Variants in SGCZ observed in about 807,000 individuals in gnomAD.
The protein encoded by SGCZ is zeta-sarcoglycan.
Under a neutral mutation model 41.3 loss-of-function variants are expected in SGCZ, and 40 were observed. The ratio of observed to expected loss-of-function variants is 0.97; its 90% CI spans 0.75 to 1.26. The LOEUF is 1.26. SGCZ is among the 50% of genes most tolerant of loss of function. The pLI is 0.00. For synonymous variants in SGCZ, 206 were observed against 137.5 expected (o/e 1.50, Z -3.49); for missense variants, 552 against 369.8 (o/e 1.49, Z -4.04).
At chr8:14,826,996 T>C (rs1041834690) in intron 1 of SGCZ, among the ~76,000 whole-genome samples, 1 of 152,116 alleles carries the variant, frequency 6.6e-6, no homozygotes, top group African/African-American at 2.4e-5. Flanking sequence ...GTTTTAGACA[T>C]GAAGTCCTTG....
intron 1 of SGCZ, among the ~76,000 whole-genome samples, chr8:14,854,772 G>C (rs1004194459): frequency 1.3e-5 from 2 of 151,980 alleles, no homozygotes; most frequent in African/African-American, 2.4e-5. Flanking sequence ...TTTTCATAGA[G>C]AGGAAAGGAG....
At chr8:14,197,738 T>C (rs771835503) in intron 4 of SGCZ, among the ~76,000 whole-genome samples, 1 of 152,082 alleles carries the variant, frequency 6.6e-6, no homozygotes, top group Non-Finnish European at 1.5e-5. Flanking sequence ...GCTTTTCCCC[T>C]AAGTTTCAGT....
At chr8:14,433,955 T>C (rs1035129107) in intron 2 of SGCZ, among the ~76,000 whole-genome samples, 3 of 152,192 alleles carry the variant, frequency 2.0e-5, no homozygotes, top group Non-Finnish European at 4.4e-5. Flanking sequence ...TATTTTACCA[T>C]GCAAAAGCTC....
intron 1 of SGCZ, among the ~76,000 whole-genome samples, chr8:15,044,065 A>G (rs978849775): frequency 6.6e-6 from 1 of 152,172 alleles, no homozygotes; most frequent in African/African-American, 2.4e-5. Context: ...CTTAATTGCT[A>G]TCCCTGTATT....
chr8:15,034,658 C>T (rs1239469732), intron 1 of SGCZ, among the ~76,000 whole-genome samples: 2 of 152,158 alleles, frequency 1.3e-5, no homozygotes, highest in Non-Finnish European at 2.9e-5. Context: ...CCAAAACATA[C>T]TATAACCAAA....
chr8:14,537,684 A>G (rs1231286407), intron 2 of SGCZ, among the ~76,000 whole-genome samples: 1 of 151,792 alleles, frequency 6.6e-6, no homozygotes, highest in Admixed American at 6.6e-5. Context: ...AAAAGAAAAC[A>G]TACTAATAAT....
intron 1 of SGCZ, chr8:14,853,433 A>C: frequency 1.9e-6 from 1 of 532,306 alleles, no homozygotes. Context: ...AGGCTAGGAC[A>C]CTTGCTCTTT....
chr8:14,543,916 G>A (rs1197419450), intron 2 of SGCZ, among the ~76,000 whole-genome samples: 8 of 152,070 alleles, frequency 5.3e-5, no homozygotes, highest in Non-Finnish European at 1.0e-4. Flanking sequence ...ATGAATTACT[G>A]TTAAATACTC....
intron 2 of SGCZ, among the ~76,000 whole-genome samples, chr8:14,377,671 C>T (rs779990652): frequency 1.5e-4 from 22 of 151,200 alleles, no homozygotes; most frequent in Non-Finnish European, 2.2e-4. Flanking sequence ...CAATACTATC[C>T]CTCCCCACTC....
intron 1 of SGCZ, among the ~76,000 whole-genome samples, chr8:14,661,989 T>A (rs1313058708): frequency 6.6e-6 from 1 of 152,172 alleles, no homozygotes; most frequent in Non-Finnish European, 1.5e-5. Context: ...CTGAAATCAC[T>A]AGACTTATAT....
At chr8:15,207,208 T>G (rs1801096740) in intron 1 of SGCZ, among the ~76,000 whole-genome samples, 1 of 152,132 alleles carries the variant, frequency 6.6e-6, no homozygotes, top group Non-Finnish European at 1.5e-5. Flanking sequence ...CAAGTTTGGG[T>G]TGACAGCAGG....
At chr8:15,203,029 G>C (rs964534609) in intron 1 of SGCZ, among the ~76,000 whole-genome samples, 3 of 152,038 alleles carry the variant, frequency 2.0e-5, no homozygotes, top group African/African-American at 7.2e-5. Context: ...AGAATCACTA[G>C]AACCTGGGAG....
intron 1 of SGCZ, among the ~76,000 whole-genome samples, chr8:15,102,200 T>C (rs1806641203): frequency 1.3e-5 from 2 of 152,174 alleles, no homozygotes; most frequent in South Asian, 4.1e-4. Context: ...GGTATATCCA[T>C]ACAATTAAAT....
intron 5 of SGCZ, among the ~76,000 whole-genome samples, chr8:14,141,213 A>G (rs1803358952): frequency 6.6e-6 from 1 of 152,200 alleles, no homozygotes. Context: ...TAAAACCATA[A>G]AAACCCTAGA....
chr8:14,651,674 C>A (rs1464879175), intron 1 of SGCZ, among the ~76,000 whole-genome samples: 2 of 151,932 alleles, frequency 1.3e-5, no homozygotes, highest in African/African-American at 2.4e-5. Flanking sequence ...TATTAATTTT[C>A]TTATTCTCTT....
At chr8:14,482,502 T>G (rs1801561794) in intron 2 of SGCZ, among the ~76,000 whole-genome samples, 1 of 152,188 alleles carries the variant, frequency 6.6e-6, no homozygotes, top group Admixed American at 6.5e-5. Flanking sequence ...TTCTTATCTG[T>G]TAACAAGTAT....
intron 1 of SGCZ, among the ~76,000 whole-genome samples, chr8:14,732,559 AG>A (rs200275420): frequency 0.013 from 2,045 of 152,326 alleles, 30 homozygotes; most frequent in Admixed American, 0.037. Context: ...CTGAATGCTA[AG>A]CCCCTCACAC....
intron 2 of SGCZ, among the ~76,000 whole-genome samples, chr8:14,367,027 T>C (rs932116638): frequency 6.6e-6 from 1 of 152,134 alleles, no homozygotes; most frequent in African/African-American, 2.4e-5. Context: ...TTCTACTGCA[T>C]TGTCAGGCTG....
At chr8:15,010,918 C>A (rs1802804214) in intron 1 of SGCZ, among the ~76,000 whole-genome samples, 1 of 152,136 alleles carries the variant, frequency 6.6e-6, no homozygotes, top group Non-Finnish European at 1.5e-5. Context: ...CTTTAGATCC[C>A]TGGCTAACTT....
Sources: gnomAD v4.1 joint callset for allele counts (sites outside exome capture counted in the v4.1 genomes callset) on GRCh38, gnomAD v4.1.1 for gene constraint, MANE v1.5 for transcripts, NCBI Gene and HGNC (gene_info 2026-07-23, HGNC 2026-07-21) for gene names.